STAP2: variants seen among roughly 807,000 people sequenced by gnomAD.
STAP2 encodes signal-transducing adaptor protein 2.
Under a neutral mutation model 52.7 loss-of-function variants are expected in STAP2, and 58 were observed. The ratio of observed to expected loss-of-function variants is 1.10; its 90% CI spans 0.89 to 1.37. The LOEUF (loss-of-function observed/expected upper bound fraction) is 1.37, where lower values mean the gene tolerates loss of function less well. STAP2 is among the 40% of genes most tolerant of loss of function. The pLI, the probability that STAP2 is intolerant of heterozygous loss-of-function variation, is 0.00. For missense variants in STAP2, 522 were observed against 519.4 expected (o/e 1.00, Z -0.05); for synonymous variants, 231 against 210.5 (o/e 1.10, Z -0.84).
chr19:4,337,421 G>A (rs1208735071), intron 1 of STAP2, among the ~76,000 whole-genome samples: 3 of 150,136 alleles, frequency 2.0e-5, no homozygotes, highest in South Asian at 2.1e-4. Flanking sequence ...TAGTAGAGAC[G>A]GGGTTTCACC....
chr19:4,338,568 GCGA>G, intron 1 of STAP2, 81 bp downstream of exon 1: 68 of 896,626 alleles, frequency 7.6e-5, no homozygotes, highest in Non-Finnish European at 9.7e-5. Flanking sequence ...CCCCCCCTTG[GCGA>G]GTGGGGAGAC....
At position 4,327,156 on chromosome 19, in the gene STAP2, A is replaced by C; in HGVS notation, c.731T>G (p.Phe244Cys). ...VSHTKKALVP[F>C]LLDEDYEKVL... ...CTTCTCGTAGTCCTCGTCTAACAGG[A>C]ATGGCACCAGCGCCTTTTTGGTATG... Residue 244 changes from phenylalanine (F) to cysteine (C), a missense_variant, in exon 8 of 13, where the codon TTC (phenylalanine) becomes TGC (cysteine). By Grantham distance (205) the Phe-to-Cys change is radical. Transcript: ENST00000594605. 3 of 1,614,162 alleles carry C rather than the reference A, an allele frequency of 1.9e-6. No homozygotes were observed. The highest frequency in any genetic ancestry group is 2.5e-6 in the Non-Finnish European group (3 of 1,180,018).
intron 1 of STAP2, among the ~76,000 whole-genome samples, chr19:4,335,953 T>C (rs1335994114): frequency 6.6e-6 from 1 of 152,080 alleles, no homozygotes; most frequent in Non-Finnish European, 1.5e-5. Context: ...GTAAGGAAAG[T>C]GTGGAGCCGG....
Position 4,333,277 on chromosome 19 carries a change from C to T in STAP2, c.297+417G>A, listed in dbSNP as rs188620319. Among the ~76,000 whole-genome samples the T allele has an allele frequency of 3.3e-5, 5 of 152,120 alleles. No individual in the cohort carries two copies. In the East Asian group the frequency reaches 9.7e-4, roughly 29 times the overall value. ...TGGGAAGCCGAGGTGGGTGGATCACCTGAGGTGAGGAGTTCCAGGCCAGCA... is the reference window on the plus strand; with the variant it reads ...TGGGAAGCCGAGGTGGGTGGATCACTTGAGGTGAGGAGTTCCAGGCCAGCA... On this transcript the variant is annotated intron_variant, in intron 3 of 12. Transcript: ENST00000594605.
chr19:4,328,719 G>C lies in STAP2; in HGVS notation c.546C>G (p.Asp182Glu). The C allele has an allele frequency of 6.3e-7, 1 of 1,585,624 alleles. No homozygotes were observed. Among genetic ancestry groups the C allele is most frequent in the Non-Finnish European group, 8.6e-7 (1 of 1,164,574 alleles). ...CGNLLLRPSG[D>E]GADGVSVTTR... ...TGGTGACCGACACGCCGTCGGCGCCGTCCCCGCTGGGCCGCAGCAGCAGGT... is the reference window on the plus strand; with the variant it reads ...TGGTGACCGACACGCCGTCGGCGCCCTCCCCGCTGGGCCGCAGCAGCAGGT... The change falls in exon 6 of 13, where the codon GAC becomes GAG. Residue 182 changes from aspartate to glutamate, a missense_variant. Asp to Glu is a conservative substitution (Grantham distance 45, BLOSUM62 2). Coordinates refer to ENST00000594605, the MANE Select transcript of STAP2 (RefSeq NM_001013841.2).
chr19:4,330,086 A>G (rs1971865042), intron 4 of STAP2, 25 bp from the exon 5 acceptor site: 5 of 1,597,494 alleles, frequency 3.1e-6, no homozygotes, highest in Admixed American at 1.7e-5. Flanking sequence ...AGGGACAGTG[A>G]CTGCACCTGG....
chr19:4,334,855 ATCTATCAATGCATCCC>A (rs1568388645), intron 1 of STAP2, among the ~76,000 whole-genome samples: 7 of 40,634 alleles, frequency 1.7e-4, no homozygotes, highest in Non-Finnish European at 2.0e-4. Context: ...CCATCCACTC[ATCTATCAATGCATCCC>A]TCCATCCATC....
intron 9 of STAP2, among the ~76,000 whole-genome samples, chr19:4,326,149 T>C (rs1424041399): frequency 2.6e-5 from 4 of 152,242 alleles, no homozygotes; most frequent in Non-Finnish European, 5.9e-5. Flanking sequence ...TATCTACACG[T>C]GTCCGAGTTT....
intron 4 of STAP2, 99 bp from the exon 5 acceptor site, chr19:4,330,160 C>A: frequency 1.1e-6 from 1 of 878,078 alleles, no homozygotes; most frequent in South Asian, 1.4e-5. Flanking sequence ...GAGCTCAGAG[C>A]AATGAACTCT....
chr19:4,324,863 G>A (rs1040201186), intron 11 of STAP2: 5 of 414,474 alleles, frequency 1.2e-5, no homozygotes, highest in African/African-American at 4.1e-5. Context: ...AGCTGGGTGC[G>A]GTGGCTCACG....
chr19:4,334,471 C>A (rs572504732), intron 1 of STAP2, among the ~76,000 whole-genome samples: 2 of 151,740 alleles, frequency 1.3e-5, no homozygotes, highest in East Asian at 3.9e-4. Flanking sequence ...TACCATTGAC[C>A]CATCCATTCA....
intron 4 of STAP2, 24 bp from the exon 5 acceptor site, chr19:4,330,085 GA>G: frequency 6.3e-7 from 1 of 1,596,514 alleles, no homozygotes; most frequent in Admixed American, 1.7e-5. Flanking sequence ...GAGGGACAGT[GA>G]CTGCACCTGG....
chr19:4,333,720 G>C lies in STAP2; in HGVS notation c.271C>G (p.Leu91Val). 2 of 1,612,858 alleles carry C rather than the reference G, an allele frequency of 1.2e-6. No homozygotes were observed. The highest frequency in any genetic ancestry group is 1.7e-6 in the Non-Finnish European group (2 of 1,179,936). Reference protein sequence around the residue: ...RDPGTHFSLILRDQEIKFKVE... With the variant: ...RDPGTHFSLIVRDQEIKFKVE... ...TTGAACTTGATCTCCTGATCCCGGAGAATCAGGCTGAAGTGGGTGCCAGGG... is the reference window on the plus strand; with the variant it reads ...TTGAACTTGATCTCCTGATCCCGGACAATCAGGCTGAAGTGGGTGCCAGGG... The change falls in exon 3 of 13, where the codon CTC becomes GTC. Residue 91 changes from leucine to valine, a missense_variant. Transcript: ENST00000594605.
chr19:4,328,511 A>G (rs1205153219), intron 6 of STAP2, among the ~76,000 whole-genome samples, 164 bp downstream of exon 6: 8 of 127,290 alleles, frequency 6.3e-5, no homozygotes, highest in Non-Finnish European at 1.3e-4. Flanking sequence ...CAATCCGCCC[A>G]GCTCAGCTCT....
In STAP2 at chr19:4,327,424, C is replaced by G; in HGVS notation, c.591-39G>C. On this transcript the variant is annotated intron_variant, in intron 6 of 12. Transcript: ENST00000594605. The stretch of plus-strand genomic sequence containing the variant: ...AAGCGAGTGAGTGGCTCAGCCCAGG[C>G]TCCCACACCGCCCCTCAGGGAAGGC... The G allele has an allele frequency of 2.5e-6, 4 of 1,610,422 alleles. No homozygotes were observed. The East Asian group carries it at 8.9e-5, about 36-fold the overall frequency.
At position 4,327,312 on chromosome 19, in the gene STAP2, T is replaced by A; in HGVS notation, c.660+4A>T. 2 of 1,614,086 alleles carry A rather than the reference T, an allele frequency of 1.2e-6. No individual in the cohort carries two copies. Among genetic ancestry groups the A allele is most frequent in the Non-Finnish European group, 1.7e-6 (2 of 1,179,986 alleles). The stretch of plus-strand genomic sequence containing the variant: ...ACTTCTAGGGACTCTGGCCCAACGC[T>A]CACCGGCTGTTCCACATCGATCACG... On this transcript the variant is annotated splice_donor_region_variant and intron_variant, in intron 7 of 12. Transcript: ENST00000594605.
chr19:4,330,648 G>C (rs554189817), intron 4 of STAP2, among the ~76,000 whole-genome samples: 10 of 151,708 alleles, frequency 6.6e-5, no homozygotes, highest in Non-Finnish European at 1.3e-4. Context: ...GTAGGAAACA[G>C]GGAAATCAGA....
rs200258088 is a variant in STAP2 at position 4,338,728 on chromosome 19, C to A, written c.26G>T (p.Arg9Leu). 1 of 1,613,380 alleles carries A rather than the reference C, an allele frequency of 6.2e-7. No individual in the cohort carries two copies. Among genetic ancestry groups the A allele is most frequent in the South Asian group, 1.1e-5 (1 of 90,912 alleles). Residue 9 changes from arginine to leucine, a missense_variant, in exon 1 of 13, where the codon CGT becomes CTT. Transcript: ENST00000594605. ...CAGGACACCCTTAGGCTTGGGGACACGGGGTGGCCTCAGGGCAGAGGCCAT... is the reference window on the plus strand; with the variant it reads ...CAGGACACCCTTAGGCTTGGGGACAAGGGGTGGCCTCAGGGCAGAGGCCAT... MASALRPP[R>L]VPKPKGVLPS... is the part of the protein sequence containing the mutation.
chr19:4,324,363 A>G, intron 12 of STAP2, 92 bp downstream of exon 12: 1 of 1,358,138 alleles, frequency 7.4e-7, no homozygotes, highest in Admixed American at 2.1e-5. Flanking sequence ...AGAACCTTAA[A>G]AGACAGGGCG....
Sources: allele counts gnomAD v4.1 joint callset (sites outside exome capture counted in the v4.1 genomes callset), GRCh38; gene constraint gnomAD v4.1.1; transcripts MANE v1.5; gene names NCBI Gene and HGNC (gene_info 2026-07-23, HGNC 2026-07-21).